ALPK1: variants seen among roughly 807,000 people sequenced by gnomAD.
ALPK1 encodes alpha kinase 1, also known as alpha-protein kinase 1.
In ALPK1, 110 loss-of-function variants were observed where a neutral mutation model predicts 120.6. The observed-to-expected ratio is 0.91, with a 90% CI of 0.78 to 1.07. ALPK1 has a LOEUF of 1.07. ALPK1 is among the 50% of genes least tolerant of loss of function. ALPK1 has a pLI of 0.00. For synonymous variants in ALPK1, 582 were observed against 560.3 expected (o/e 1.04, Z -0.55); for missense variants, 1,498 against 1,483.9 (o/e 1.01, Z -0.16).
chr4:112,366,081 T>G (rs1731139081), intron 2 of ALPK1, among the ~76,000 whole-genome samples: 1 of 152,138 alleles, frequency 6.6e-6, no homozygotes, highest in African/African-American at 2.4e-5. Context: ...GACTTAAATC[T>G]AAGACCTAAA....
intron 2 of ALPK1, chr4:112,359,303 G>A: frequency 2.2e-6 from 1 of 456,384 alleles, no homozygotes; most frequent in South Asian, 2.2e-5. Flanking sequence ...GGGCCCTGGA[G>A]TCTACAGGCT....
chr4:112,415,402 A>G lies in ALPK1; in HGVS notation c.475+3377A>G, dbSNP rs191399424. ...TGTAAACCCAGCATTTTGGGAGGCC[A>G]AGGCGGGTGGATTACCTGAAGTCAG... On this transcript the variant is annotated intron_variant, in intron 5 of 15. Transcript: ENST00000650871. Among the ~76,000 whole-genome samples the G allele has an allele frequency of 2.1e-3, 327 of 152,298 alleles. 4 individuals are homozygous for G. The highest frequency in any genetic ancestry group is 0.011 in the Admixed American group (163 of 15,286).
At chr4:112,392,816 C>T (rs1732480868) in intron 4 of ALPK1, among the ~76,000 whole-genome samples, 1 of 152,220 alleles carries the variant, frequency 6.6e-6, no homozygotes, top group African/African-American at 2.4e-5. Flanking sequence ...CCGGATTGAA[C>T]CACTGCACCT....
chr4:112,309,900 CTT>C (rs1728319101), intron 1 of ALPK1, among the ~76,000 whole-genome samples: 1 of 152,208 alleles, frequency 6.6e-6, no homozygotes, highest in Admixed American at 6.5e-5. Flanking sequence ...TCAGTGGCCA[CTT>C]TGTCCTGTTA....
intron 2 of ALPK1, among the ~76,000 whole-genome samples, chr4:112,371,608 A>G (rs116651030): frequency 0.021 from 3,148 of 152,368 alleles, 43 homozygotes; most frequent in Admixed American, 0.032. Flanking sequence ...TCAAGTGATT[A>G]GGTCAAGTCC....
chr4:112,334,692 A>G (rs984733009), intron 2 of ALPK1, among the ~76,000 whole-genome samples: 1 of 152,178 alleles, frequency 6.6e-6, no homozygotes, highest in Non-Finnish European at 1.5e-5. Context: ...GAAAGTCACA[A>G]TAAGGAGGAA....
chr4:112,342,832 C>T (rs553134084), intron 2 of ALPK1, among the ~76,000 whole-genome samples: 15 of 152,364 alleles, frequency 9.8e-5, no homozygotes, highest in Admixed American at 9.8e-4. Context: ...CCCATTCTCT[C>T]ATATTCCAGT....
chr4:112,426,606 A>G (rs1734248331), intron 8 of ALPK1, 63 bp downstream of exon 8: 1 of 1,305,942 alleles, frequency 7.7e-7, no homozygotes, highest in African/African-American at 1.5e-5. Context: ...TTATCTCTTC[A>G]TGACAGAAGT....
chr4:112,334,611 T>A (rs745623697), intron 2 of ALPK1, among the ~76,000 whole-genome samples: 2 of 152,008 alleles, frequency 1.3e-5, no homozygotes, highest in Non-Finnish European at 2.9e-5. Flanking sequence ...TTTAAGGTGG[T>A]TTTAAAGCTT....
Position 112,438,636 on chromosome 4 carries a change from C to T in ALPK1, c.3341C>T (p.Thr1114Ile), listed in dbSNP as rs200339821. The change falls in exon 13 of 16, where the codon ACA becomes ATA. Residue 1114 changes from threonine (T) to isoleucine (I), a missense_variant. By Grantham distance (89) the Thr-to-Ile change is moderately conservative. Coordinates refer to ENST00000650871, the MANE Select transcript of ALPK1 (RefSeq NM_025144.4). Reference protein sequence around the residue: ...IPTQIFYIPSTILLILEDKTI... With the variant: ...IPTQIFYIPSIILLILEDKTI... ...ACCCAGATATTCTACATCCCATCCA[C>T]AATACTACTGGTAAGATTATCCTGA... 6.2e-7 allele frequency: 1 copy of T among 1,613,352 alleles called. No individual in the cohort carries two copies. The highest frequency in any genetic ancestry group is 2.2e-5 in the East Asian group (1 of 44,866).
At chr4:112,359,022 C>T (rs773826261) in intron 2 of ALPK1, 11 of 765,058 alleles carry the variant, frequency 1.4e-5, no homozygotes, top group Middle Eastern at 2.3e-4. Flanking sequence ...CTGTGGCTAT[C>T]GGCCAGAGCA....
chr4:112,420,982 G>A (rs1220200310), intron 5 of ALPK1, among the ~76,000 whole-genome samples: 3 of 152,018 alleles, frequency 2.0e-5, no homozygotes, highest in Non-Finnish European at 2.9e-5. Context: ...ACAGGTGCAC[G>A]CCACCATGCC....
rs7674058 is a variant in ALPK1, at chr4:112,368,998, T to G, written c.-100-8680T>G. 5.1e-3 allele frequency among the ~76,000 whole-genome samples: 708 copies of G among 138,988 alleles called. 6 individuals carry two copies. The highest frequency in any genetic ancestry group is 0.018 in the African/African-American group (671 of 36,984). 91.2% of individuals were successfully genotyped at this position (138,988 alleles called of 152,430 possible). On this transcript the variant is annotated intron_variant, in intron 2 of 15. Coordinates refer to ENST00000650871, the MANE Select transcript of ALPK1 (RefSeq NM_025144.4). ...TCAAGGCAACGGCTAGCTTCTATAT[T>G]GCAGGTAACTTTTTAGGTTTCAGCC...
intron 5 of ALPK1, chr4:112,415,124 T>C (rs1733680696): frequency 6.6e-6 from 1 of 152,106 alleles, no homozygotes; most frequent in Non-Finnish European, 1.5e-5. Flanking sequence ...AATAAAGGTC[T>C]CAACTCTGTG....
chr4:112,318,381 C>T (rs967880513), intron 2 of ALPK1, among the ~76,000 whole-genome samples: 94 of 152,274 alleles, frequency 6.2e-4, no homozygotes, highest in African/African-American at 2.0e-3. Flanking sequence ...GATGAAGAAA[C>T]GAGTGTTCAT....
At chr4:112,306,535 A>G (rs1423926176) in intron 1 of ALPK1, among the ~76,000 whole-genome samples, 26 of 151,770 alleles carry the variant, frequency 1.7e-4, no homozygotes, top group Non-Finnish European at 3.4e-4. Flanking sequence ...GTTTATTTGC[A>G]TAGAGGTGTT....
At chr4:112,439,999 A>G in intron 14 of ALPK1, 127 bp downstream of exon 14, 1 of 865,806 alleles carries the variant, frequency 1.2e-6, no homozygotes. Flanking sequence ...AGTTAACTTA[A>G]TTGATCTTAC....
chr4:112,350,462 A>C (rs1393570567), intron 2 of ALPK1, among the ~76,000 whole-genome samples: 1 of 152,192 alleles, frequency 6.6e-6, no homozygotes, highest in East Asian at 1.9e-4. Flanking sequence ...GAGATGCAGC[A>C]GTTTTGACAT....
At chr4:112,362,693 C>T (rs1192586119) in intron 2 of ALPK1, among the ~76,000 whole-genome samples, 1 of 152,188 alleles carries the variant, frequency 6.6e-6, no homozygotes, top group African/African-American at 2.4e-5. Context: ...GTTCCCTGTC[C>T]TTGCTAGAGA....
Sources: allele counts gnomAD v4.1 joint callset (sites outside exome capture counted in the v4.1 genomes callset), GRCh38; gene constraint gnomAD v4.1.1; transcripts MANE v1.5; gene names NCBI Gene and HGNC (gene_info 2026-07-23, HGNC 2026-07-21).